Variants in C2orf92 observed in about 807,000 individuals in gnomAD.
C2orf92 encodes the protein uncharacterized protein C2orf92.
chr2:97,684,996 C>T (rs749890153), intron 3 of C2orf92, among the ~76,000 whole-genome samples: 165 of 151,640 alleles, frequency 1.1e-3, no homozygotes, highest in Middle Eastern at 3.4e-3. Flanking sequence ...GTGGCACAAT[C>T]TTGGCTCACT....
At chr2:97,702,129 AC>A in intron 7 of C2orf92, 2 of 152,454 alleles carry the variant, frequency 1.3e-5, no homozygotes, top group East Asian at 3.9e-4. Flanking sequence ...CTGACACTGC[AC>A]TGAATGCTCA....
At chr2:97,699,158 A>G in intron 6 of C2orf92, 22 bp downstream of exon 6, 1 of 398,568 alleles carries the variant, frequency 2.5e-6, no homozygotes, top group Non-Finnish European at 4.4e-6. Flanking sequence ...TATGGCCTAT[A>G]AACTAAGTAT....
At chr2:97,675,558 C>T (rs1675546242) in intron 2 of C2orf92, 3 of 315,612 alleles carry the variant, frequency 9.5e-6, no homozygotes, top group Non-Finnish European at 1.1e-5. Context: ...GGCCTTTCTA[C>T]CCGTTTTCCT....
chr2:97,669,531 T>C (rs1294864925), upstream of C2orf92: 1 of 355,304 alleles, frequency 2.8e-6, no homozygotes, highest in Non-Finnish European at 5.0e-6. Flanking sequence ...CCTCAGGACA[T>C]GCAGGATGGA....
At chr2:97,678,646 A>G (rs1292817801) in intron 3 of C2orf92, among the ~76,000 whole-genome samples, 1 of 152,082 alleles carries the variant, frequency 6.6e-6, no homozygotes, top group African/African-American at 2.4e-5. Context: ...AGGAGGCAGT[A>G]GGATGGCACA....
intron 2 of C2orf92, among the ~76,000 whole-genome samples, chr2:97,675,127 G>A (rs1240515081): frequency 6.6e-6 from 1 of 152,138 alleles, no homozygotes; most frequent in African/African-American, 2.4e-5. Context: ...CAAAAATAAT[G>A]CATATTAACC....
chr2:97,679,729 C>T (rs1451969113), intron 3 of C2orf92, among the ~76,000 whole-genome samples: 1 of 149,698 alleles, frequency 6.7e-6, no homozygotes, highest in African/African-American at 2.5e-5. Flanking sequence ...CCCAGCTACT[C>T]GGGAGCCTGA....
intron 1 of C2orf92, among the ~76,000 whole-genome samples, chr2:97,672,745 T>C (rs1418021960): frequency 6.6e-6 from 1 of 152,068 alleles, no homozygotes; most frequent in African/African-American, 2.4e-5. Context: ...TAGGTCAGCA[T>C]GGTCATCAAG....
chr2:97,696,768 G>A (rs963965244), intron 5 of C2orf92, among the ~76,000 whole-genome samples: 1 of 152,088 alleles, frequency 6.6e-6, no homozygotes, highest in African/African-American at 2.4e-5. Context: ...ACCAATGGTC[G>A]AAAACATCTC....
At chr2:97,681,125 A>AG (rs1675758358) in intron 3 of C2orf92, among the ~76,000 whole-genome samples, 1 of 127,010 alleles carries the variant, frequency 7.9e-6, no homozygotes, top group African/African-American at 3.1e-5. Context: ...AAAAAAAAAA[A>AG]AAAAAAAAGA....
At chr2:97,697,068 C>T (rs192332736) in intron 5 of C2orf92, among the ~76,000 whole-genome samples, 1 of 152,334 alleles carries the variant, frequency 6.6e-6, no homozygotes, top group Non-Finnish European at 1.5e-5. Flanking sequence ...TTTTACCAAG[C>T]CCAGCACATG....
At chr2:97,671,301 G>A (rs1401186281) in intron 1 of C2orf92, 18 of 379,638 alleles carry the variant, frequency 4.7e-5, no homozygotes, top group Middle Eastern at 6.6e-4. Flanking sequence ...ACACCACCAC[G>A]CCCAGGTAAT....
At chr2:97,677,091 G>A (rs1182493218) in intron 3 of C2orf92, among the ~76,000 whole-genome samples, 1 of 152,176 alleles carries the variant, frequency 6.6e-6, no homozygotes, top group Non-Finnish European at 1.5e-5. Flanking sequence ...AGAGGCTGCC[G>A]AATTTCAACA....
chr2:97,670,098 C>A, intron 1 of C2orf92: 1 of 331,608 alleles, frequency 3.0e-6, no homozygotes, highest in Non-Finnish European at 5.4e-6. Context: ...TCACTGTAAG[C>A]ATTTCCAAAC....
At chr2:97,669,462 C>T (rs1675337455), upstream of C2orf92, 4 of 219,212 alleles carry the variant, frequency 1.8e-5, no homozygotes, top group Admixed American at 5.8e-5. Flanking sequence ...TTCGCTTCAG[C>T]CAATTTAGTT....
At chr2:97,683,818 G>C (rs78114483) in intron 3 of C2orf92, among the ~76,000 whole-genome samples, 8 of 152,068 alleles carry the variant, frequency 5.3e-5, no homozygotes, top group Non-Finnish European at 1.0e-4. Flanking sequence ...GAATAGAATA[G>C]AAAGTTCAGA....
intron 1 of C2orf92, 155 bp from the exon 2 acceptor site, chr2:97,674,301 G>C (rs562900284): frequency 2.3e-5 from 9 of 394,308 alleles, no homozygotes; most frequent in African/African-American, 1.6e-4. Flanking sequence ...AAATGATTTA[G>C]GTAGTTGGAG....
At chr2:97,695,049 G>A (rs578083020) in intron 5 of C2orf92, among the ~76,000 whole-genome samples, 2 of 152,314 alleles carry the variant, frequency 1.3e-5, no homozygotes, top group South Asian at 4.1e-4. Flanking sequence ...TATAGTCTGA[G>A]TATCATTCCC....
intron 5 of C2orf92, among the ~76,000 whole-genome samples, chr2:97,691,420 C>T (rs531617822): frequency 6.6e-6 from 1 of 152,286 alleles, no homozygotes; most frequent in South Asian, 2.1e-4. Context: ...CCCTCCTCCT[C>T]AGGAGTGTGG....
Sources: gnomAD v4.1 joint callset for allele counts (sites outside exome capture counted in the v4.1 genomes callset) on GRCh38, gnomAD v4.1.1 for gene constraint, MANE v1.5 for transcripts, NCBI Gene and HGNC (gene_info 2026-07-23, HGNC 2026-07-21) for gene names.